Variants in EYS observed in about 807,000 individuals in gnomAD.
EYS encodes protein eyes shut homolog.
In EYS, 250 loss-of-function variants were observed where a neutral mutation model predicts 282.1. The ratio of observed to expected loss-of-function variants is 0.89; its 90% CI spans 0.80 to 0.98. The LOEUF (loss-of-function observed/expected upper bound fraction) is 0.98, where lower values mean the gene tolerates loss of function less well. Among genes scored for constraint, EYS ranks in the 50% least tolerant of loss-of-function variants. The pLI, the probability that EYS is intolerant of heterozygous loss-of-function variation, is 0.00. For missense variants in EYS, 4,016 were observed against 3,709.0 expected (o/e 1.08, Z -2.15); for synonymous variants, 1,355 against 1,282.9 (o/e 1.06, Z -1.20).
intron 35 of EYS, among the ~76,000 whole-genome samples, chr6:63,888,079 G>A (rs1167282792): frequency 6.6e-6 from 1 of 152,210 alleles, no homozygotes; most frequent in Non-Finnish European, 1.5e-5. Context: ...TAGTCAGACT[G>A]CCTCTCTAGA....
chr6:65,538,162 A>T (rs1232755590), intron 2 of EYS, among the ~76,000 whole-genome samples: 2 of 152,220 alleles, frequency 1.3e-5, no homozygotes, highest in Non-Finnish European at 2.9e-5. Flanking sequence ...GACAATTATT[A>T]CAATCCTTTG....
intron 29 of EYS, among the ~76,000 whole-genome samples, chr6:64,336,363 C>T (rs914426242): frequency 5.3e-5 from 8 of 152,010 alleles, no homozygotes; most frequent in African/African-American, 1.9e-4. Context: ...TTCAAAGAAA[C>T]AGCAGTTAAA....
In EYS at chr6:65,395,465, T is replaced by C. The variant is rs148010827; in HGVS notation, c.1184+7013A>G. 1.8e-3 allele frequency among the ~76,000 whole-genome samples: 279 copies of C among 152,300 alleles called. 2 individuals carry two copies. The highest frequency in any genetic ancestry group is 2.7e-3 in the Admixed American group (41 of 15,276). ...AGTGTGATAATGACTTGGTATATTA[T>C]ATAGTGTGAAATGATTATCCTTAGT... On this transcript the variant is annotated intron_variant, in intron 7 of 42. Transcript: ENST00000503581.
At chr6:64,321,945 C>T (rs1042123104) in intron 29 of EYS, among the ~76,000 whole-genome samples, 1 of 151,936 alleles carries the variant, frequency 6.6e-6, no homozygotes, top group Non-Finnish European at 1.5e-5. Context: ...TTACTTTGAT[C>T]TATTCACCAA....
chr6:65,227,456 T>G (rs1199683268), intron 12 of EYS, among the ~76,000 whole-genome samples: 3 of 152,124 alleles, frequency 2.0e-5, no homozygotes, highest in African/African-American at 7.2e-5. Flanking sequence ...GCACTGCTTG[T>G]GGAAGTATAA....
At chr6:65,188,901 G>C (rs764811037) in intron 12 of EYS, among the ~76,000 whole-genome samples, 1 of 151,494 alleles carries the variant, frequency 6.6e-6, no homozygotes, top group Non-Finnish European at 1.5e-5. Flanking sequence ...CCAGTATCAT[G>C]ACTAGCCCAG....
intron 15 of EYS, among the ~76,000 whole-genome samples, chr6:64,934,623 A>C (rs768444377): frequency 2.0e-5 from 3 of 151,340 alleles, no homozygotes; most frequent in Non-Finnish European, 3.0e-5. Context: ...GAAGTGCTAA[A>C]AGAAAAAAAA....
At chr6:63,917,132 CTG>C (rs1200077991) in intron 35 of EYS, among the ~76,000 whole-genome samples, 1 of 152,184 alleles carries the variant, frequency 6.6e-6, no homozygotes, top group Admixed American at 6.5e-5. Flanking sequence ...TGTCATGTAA[CTG>C]TGTGTGCATG....
intron 23 of EYS, among the ~76,000 whole-genome samples, chr6:64,623,611 A>G (rs2149854665): frequency 6.6e-6 from 1 of 152,304 alleles, no homozygotes; most frequent in South Asian, 2.1e-4. Flanking sequence ...CATATACACG[A>G]GACAGAGGTG....
At chr6:65,492,285 C>G (rs1264732812) in intron 4 of EYS, among the ~76,000 whole-genome samples, 1 of 149,532 alleles carries the variant, frequency 6.7e-6, no homozygotes, top group South Asian at 2.1e-4. Context: ...TTTAAAGCAC[C>G]TATGGCTGTA....
At chr6:65,553,627 T>G (rs1384771062) in intron 2 of EYS, among the ~76,000 whole-genome samples, 2 of 152,094 alleles carry the variant, frequency 1.3e-5, no homozygotes, top group Non-Finnish European at 1.5e-5. Context: ...AGATTAACAC[T>G]TAGAAATCTT....
At chr6:65,624,167 T>A (rs1317265429) in intron 2 of EYS, among the ~76,000 whole-genome samples, 1 of 152,236 alleles carries the variant, frequency 6.6e-6, no homozygotes, top group Non-Finnish European at 1.5e-5. Flanking sequence ...AGTGGCTATA[T>A]AGAAATCTCA....
chr6:64,194,214 C>T (rs570473110), intron 31 of EYS, among the ~76,000 whole-genome samples: 4 of 152,202 alleles, frequency 2.6e-5, no homozygotes, highest in African/African-American at 9.6e-5. Context: ...GAAGAACACA[C>T]CCCCACCAAC....
At chr6:65,603,536 A>G (rs556668252) in intron 2 of EYS, among the ~76,000 whole-genome samples, 1 of 152,030 alleles carries the variant, frequency 6.6e-6, no homozygotes, top group East Asian at 1.9e-4. Flanking sequence ...GTTACCTGAG[A>G]AGGCAATCTA....
chr6:65,117,848 C>G (rs935648928), intron 12 of EYS, among the ~76,000 whole-genome samples: 1 of 152,138 alleles, frequency 6.6e-6, no homozygotes, highest in Non-Finnish European at 1.5e-5. Flanking sequence ...AGAGCTATGA[C>G]TAGCAATACC....
intron 26 of EYS, among the ~76,000 whole-genome samples, chr6:64,473,057 A>G (rs1309907179): frequency 6.6e-6 from 1 of 152,182 alleles, no homozygotes; most frequent in Non-Finnish European, 1.5e-5. Flanking sequence ...GATAGTTACT[A>G]TCCAGCATTT....
intron 26 of EYS, among the ~76,000 whole-genome samples, chr6:64,452,321 A>G (rs1582772121): frequency 6.6e-6 from 1 of 152,190 alleles, no homozygotes; most frequent in African/African-American, 2.4e-5. Context: ...GGACCTCTTC[A>G]AGGAGAACTA....
Position 63,762,518 on chromosome 6 carries a change from G to T in EYS, c.8014C>A (p.Pro2672Thr), listed in dbSNP as rs1265004205. ...GGACAGAAACAGGTGTATCCATGAG[G>T]TAATGAAATGCAGGTTGCTCCTCTG... ...CSRGATCISL[P>T]HGYTCFCPLG... is the part of the protein sequence containing the mutation. The change falls in exon 41 of 43, where the codon CCT becomes ACT. Residue 2672 changes from proline (P) to threonine (T), a missense_variant. Pro to Thr is a conservative substitution (Grantham distance 38). Coordinates refer to ENST00000503581, the MANE Select transcript of EYS (RefSeq NM_001142800.2). The T allele has an allele frequency of 6.5e-7, 1 of 1,550,258 alleles. No homozygotes were observed. The highest frequency in any genetic ancestry group is 8.7e-7 in the Non-Finnish European group (1 of 1,146,090).
chr6:64,368,207 T>A (rs1189043909), intron 29 of EYS, among the ~76,000 whole-genome samples: 1 of 152,124 alleles, frequency 6.6e-6, no homozygotes. Context: ...GGCTTTCTGT[T>A]CCTGTGTTAG....
Sources: allele counts gnomAD v4.1 joint callset (sites outside exome capture counted in the v4.1 genomes callset), GRCh38; gene constraint gnomAD v4.1.1; transcripts MANE v1.5; gene names NCBI Gene and HGNC (gene_info 2026-07-23, HGNC 2026-07-21).